The following RPS7 variants were observed in gnomAD, a reference collection of about 807,000 sequenced individuals.
RPS7 encodes the protein ribosomal protein S7.
RPS7 carries 1 observed loss-of-function variant against 22.1 expected under a neutral mutation model. The observed-to-expected ratio is 0.05, with a 90% CI of 0.02 to 0.21. RPS7 has a LOEUF of 0.21. Ranked by LOEUF, RPS7 falls within the 10% of genes least tolerant of loss-of-function variation. The pLI, the probability that RPS7 is intolerant of heterozygous loss-of-function variation, is 1.00. For synonymous variants in RPS7, 80 were observed against 92.0 expected (o/e 0.87, Z 0.74); for missense variants, 137 against 246.4 (o/e 0.56, Z 2.97).
intron 1 of RPS7, 114 bp from the exon 2 acceptor site, chr2:3,575,478 G>A: frequency 1.4e-6 from 1 of 720,726 alleles, no homozygotes; most frequent in Non-Finnish European, 2.4e-6. Context: ...CCCGCCCTGT[G>A]CTTTCCGATG....
intron 4 of RPS7, 58 bp from the exon 5 acceptor site, chr2:3,577,652 C>A: frequency 1.5e-6 from 2 of 1,312,918 alleles, no homozygotes; most frequent in Non-Finnish European, 2.2e-6. Context: ...GCAGTTACAG[C>A]TTTTTGTCAA....
chr2:3,576,446 C>T (rs1281843790), intron 3 of RPS7, 41 bp from the exon 4 acceptor site: 13 of 1,587,088 alleles, frequency 8.2e-6, no homozygotes, highest in Non-Finnish European at 1.0e-5. Flanking sequence ...CGTTTACTTT[C>T]TGAAGCAGTT....
chr2:3,580,081 G>T (rs770560291), intron 5 of RPS7, 29 bp from the exon 6 acceptor site: 1 of 1,613,292 alleles, frequency 6.2e-7, no homozygotes, highest in South Asian at 1.1e-5. Flanking sequence ...GCGTTGCTAG[G>T]TTGCTTACCT....
intron 4 of RPS7, chr2:3,576,956 T>G (rs1325400249): frequency 5.5e-6 from 2 of 360,708 alleles, no homozygotes; most frequent in African/African-American, 4.2e-5. Flanking sequence ...AGTGACAGAC[T>G]GCTGTGTTTT....
chr2:3,580,719 T>C, intron 6 of RPS7, 86 bp from the exon 7 acceptor site: 2 of 852,358 alleles, frequency 2.3e-6, no homozygotes, highest in Non-Finnish European at 4.0e-6. Flanking sequence ...AGAAAAACAA[T>C]ACAGGGCACA....
intron 4 of RPS7, 130 bp from the exon 5 acceptor site, chr2:3,577,580 T>A: frequency 1.4e-6 from 1 of 698,626 alleles, no homozygotes; most frequent in South Asian, 1.6e-5. Flanking sequence ...TTCGTCTAAG[T>A]TGTTTAGCCT....
chr2:3,580,628 C>G lies in RPS7; in HGVS notation c.508-177C>G, dbSNP rs1337342293. The G allele has an allele frequency of 4.6e-6, 3 of 653,154 alleles. No homozygotes were observed. The African/African-American group carries it at 5.4e-5, about 12-fold the overall frequency. 40.5% of individuals were successfully genotyped at this position (653,154 alleles called of 1,614,324 possible). On this transcript the variant is annotated intron_variant, in intron 6 of 6. Transcript: ENST00000645674. ...TTCCCCGGTGCAGTGGTGTACAGTT[C>G]TGTCCCACAGCATTGGAGAAGAGCT...
chr2:3,578,077 G>A, intron 5 of RPS7: 1 of 366,106 alleles, frequency 2.7e-6, no homozygotes, highest in East Asian at 5.4e-5. Context: ...CTGTGATATA[G>A]CATGCTAGAC....
Position 3,575,899 on chromosome 2 carries a change from G to T in RPS7, c.147+11G>T. The T allele has an allele frequency of 6.3e-7, 1 of 1,593,312 alleles. No individual in the cohort carries two copies. The highest frequency in any genetic ancestry group is 8.6e-7 in the Non-Finnish European group (1 of 1,166,608). The stretch of plus-strand genomic sequence containing the variant: ...ATTACGGCAGCTAAGGTAAGCTGGC[G>T]CTCCCTCGGCTGGGAGGGAGGTTGC... On this transcript the variant is annotated intron_variant, in intron 3 of 6. Coordinates refer to ENST00000645674, the MANE Select transcript of RPS7 (RefSeq NM_001011.4).
Position 3,580,885 on chromosome 2 carries a change from A to C in RPS7, c.*3A>C. On this transcript the variant is annotated 3_prime_UTR_variant, in exon 7 of 7. Coordinates refer to ENST00000645674, the MANE Select transcript of RPS7 (RefSeq NM_001011.4). ...AATTCCCAGAGTTTCAATTGTAAAC[A>C]AAAATGACTAAATAAAAAGTATATA... is the stretch of plus-strand genomic sequence containing the variant. 6.8e-7 allele frequency: 1 copy of C among 1,462,704 alleles called. No homozygotes were observed. Among genetic ancestry groups the C allele is most frequent in the East Asian group, 2.3e-5 (1 of 44,200 alleles). 90.6% of individuals were successfully genotyped at this position (1,462,704 alleles called of 1,614,324 possible).
chr2:3,578,422 T>A (rs1329027401), intron 5 of RPS7: 1 of 152,352 alleles, frequency 6.6e-6, no homozygotes. Context: ...CTGTGCCCTC[T>A]AACATGTTTA....
chr2:3,576,858 C>A, intron 4 of RPS7: 1 of 618,452 alleles, frequency 1.6e-6, no homozygotes, highest in Non-Finnish European at 2.9e-6. Context: ...CATGGTAAGA[C>A]CCTGTCTACA....
At chr2:3,575,949 G>T (rs980417850) in intron 3 of RPS7, 61 bp downstream of exon 3, 150 of 1,248,462 alleles carry the variant, frequency 1.2e-4, no homozygotes, top group Non-Finnish European at 1.7e-4. Flanking sequence ...CGCAGTGCCT[G>T]AGAGGGTTGG....
At chr2:3,579,202 T>C (rs570114308) in intron 5 of RPS7, 1 of 152,370 alleles carries the variant, frequency 6.6e-6, no homozygotes, top group South Asian at 2.1e-4. Flanking sequence ...ATTGTAAGAA[T>C]ATGCTTAATT....
intron 4 of RPS7, chr2:3,577,108 G>A (rs1661296388): frequency 4.7e-6 from 1 of 210,670 alleles, no homozygotes; most frequent in Non-Finnish European, 9.8e-6. Context: ...GGCTGAGGCA[G>A]GCGGATCACG....
intron 5 of RPS7, 36 bp downstream of exon 5, chr2:3,577,810 C>A (rs1200646669): frequency 7.6e-7 from 1 of 1,321,296 alleles, no homozygotes. Flanking sequence ...TGTGTGTACC[C>A]CTCTTATTAA....
intron 6 of RPS7, 60 bp from the exon 7 acceptor site, chr2:3,580,745 T>G (rs1181649811): frequency 9.6e-7 from 1 of 1,038,448 alleles, no homozygotes; most frequent in Non-Finnish European, 1.5e-6. Context: ...ACGAAACTAT[T>G]AGGTTTTAAG....
At chr2:3,580,298 A>G (rs1205968579) in intron 6 of RPS7, 38 bp downstream of exon 6, 1 of 1,598,698 alleles carries the variant, frequency 6.3e-7, no homozygotes. Context: ...AGGTTCAGCC[A>G]CAGTGAGAGT....
At chr2:3,576,395 T>C (rs904990580) in intron 3 of RPS7, 92 bp from the exon 4 acceptor site, 10 of 1,053,258 alleles carry the variant, frequency 9.5e-6, no homozygotes, top group Non-Finnish European at 1.5e-5. Flanking sequence ...GCAGCTACGG[T>C]GTTAGTGATA....
Sources: gnomAD v4.1 joint callset for allele counts on GRCh38, gnomAD v4.1.1 for gene constraint, MANE v1.5 for transcripts, NCBI Gene and HGNC (gene_info 2026-07-23, HGNC 2026-07-21) for gene names.